The following MAST4 variants were observed in gnomAD, a reference collection of about 807,000 sequenced individuals.
MAST4 encodes the protein microtubule associated serine/threonine kinase family member 4.
A neutral mutation model predicts 162.7 loss-of-function variants in MAST4; 89 were observed. The observed-to-expected ratio is 0.55, with a 90% CI of 0.46 to 0.65. The LOEUF is 0.65. Ranked by LOEUF, MAST4 falls within the 30% of genes least tolerant of loss-of-function variation. MAST4 has a pLI of 0.00. For synonymous variants in MAST4, 1,479 were observed against 1,361.1 expected, an observed-to-expected ratio of 1.09 and a Z score of -1.91; for missense variants, 3,153 against 3,374.0, an observed-to-expected ratio of 0.93 and a Z score of 1.62.
At chr5:67,049,078 T>TATATACGTATATATATATATATATATAC (rs1381641749) in intron 4 of MAST4, among the ~76,000 whole-genome samples, 50 of 138,746 alleles carry the variant, frequency 3.6e-4, no homozygotes, top group African/African-American at 1.4e-3. Context: ...TATATATATA[T>TATATACGTATATATATATATATATATAC]ACACTACCAT....
chr5:67,091,807 AC>A lies in MAST4; in HGVS notation c.833+1583del, dbSNP rs201963588. Among the ~76,000 whole-genome samples the A allele has an allele frequency of 2.6e-5, 4 of 151,654 alleles. No individual in the cohort carries two copies. In the South Asian group the frequency reaches 8.4e-4, roughly 32 times the overall value. On this transcript the variant is annotated intron_variant, in intron 6 of 28. Coordinates refer to ENST00000403625, the MANE Select transcript of MAST4 (RefSeq NM_001164664.2). ...TTCCATGCTATTAAAAAAATACATA[AC>A]CCCCCCAGGCATGTTAATTTTTGAC...
intron 13 of MAST4, among the ~76,000 whole-genome samples, chr5:67,119,237 A>C (rs1767285312): frequency 1.3e-5 from 2 of 151,980 alleles, no homozygotes; most frequent in African/African-American, 4.8e-5. Context: ...ACCCAGTCAG[A>C]GTTATGGCTT....
chr5:66,930,040 A>G (rs1250320569), intron 4 of MAST4, among the ~76,000 whole-genome samples: 6 of 152,206 alleles, frequency 3.9e-5, no homozygotes, highest in Admixed American at 2.0e-4. Context: ...ATGATATAGT[A>G]TGTTCAGAAA....
chr5:66,961,760 G>T (rs1746047167), intron 4 of MAST4, among the ~76,000 whole-genome samples: 1 of 152,192 alleles, frequency 6.6e-6, no homozygotes, highest in Non-Finnish European at 1.5e-5. Flanking sequence ...TTTAGGACAG[G>T]AAGGAATAGA....
chr5:66,898,031 GTTA>G (rs1473827200), intron 3 of MAST4, among the ~76,000 whole-genome samples: 1 of 152,158 alleles, frequency 6.6e-6, no homozygotes, highest in Admixed American at 6.5e-5. Context: ...TTATTTTGTT[GTTA>G]TTAATGATAA....
intron 2 of MAST4, among the ~76,000 whole-genome samples, chr5:66,775,949 C>T (rs1464941694): frequency 6.6e-6 from 1 of 152,084 alleles, no homozygotes; most frequent in African/African-American, 2.4e-5. Flanking sequence ...AGGTAGCATA[C>T]ATAGATATTG....
intron 4 of MAST4, among the ~76,000 whole-genome samples, chr5:66,973,047 C>T (rs1348776628): frequency 6.6e-6 from 1 of 152,174 alleles, no homozygotes; most frequent in East Asian, 1.9e-4. Flanking sequence ...GCCACATTTG[C>T]TCTTTCTCCC....
intron 4 of MAST4, among the ~76,000 whole-genome samples, chr5:66,939,099 A>G (rs1300059627): frequency 1.3e-5 from 2 of 152,200 alleles, no homozygotes; most frequent in African/African-American, 2.4e-5. Flanking sequence ...TACATAATTA[A>G]TGTTAACTTA....
intron 1 of MAST4, among the ~76,000 whole-genome samples, chr5:66,741,214 G>A (rs993813580): frequency 6.6e-6 from 1 of 152,166 alleles, no homozygotes; most frequent in Admixed American, 6.5e-5. Flanking sequence ...CTTCAGAGCA[G>A]TCTTCTCTGG....
In MAST4 at chr5:67,145,153, A is replaced by G. The variant is rs755583713; in HGVS notation, c.2868A>G (p.Leu956=). 9.9e-6 allele frequency: 16 copies of G among 1,608,344 alleles called. No homozygotes were observed. The highest frequency in any genetic ancestry group is 5.9e-6 in the Non-Finnish European group (7 of 1,176,996). Residue 956 remains leucine, a synonymous_variant, in exon 23 of 29, where the codon CTA becomes CTG. Transcript: ENST00000403625. ...TTTGCTTTTAATTAAGGCAACAGCT[A>G]TCAACATCCAACTCTTCAGATACTG... is the stretch of plus-strand genomic sequence containing the variant. ...WSSEYSEMQQ[L]STSNSSDTES...
At position 67,166,698 on chromosome 5, in the gene MAST4, C is replaced by G; in HGVS notation, c.7519C>G (p.Pro2507Ala). The change falls in exon 29 of 29, where the codon CCT becomes GCT. Residue 2507 changes from proline (P) to alanine (A), a missense_variant. Pro to Ala is a conservative substitution (Grantham distance 27, BLOSUM62 -1). Transcript: ENST00000403625. The part of the protein sequence containing the change: ...PSNRDHRKAQ[P>A]AGEGRTHMTK... The stretch of plus-strand genomic sequence containing the variant: ...CAACAGGGACCATAGGAAGGCTCAG[C>G]CTGCCGGGGAGGGCCGAACCCACAT... 2 of 1,591,080 alleles carry G rather than the reference C, an allele frequency of 1.3e-6. No homozygotes were observed. Among genetic ancestry groups the G allele is most frequent in the South Asian group, 2.3e-5 (2 of 87,416 alleles).
intron 3 of MAST4, among the ~76,000 whole-genome samples, chr5:66,821,982 C>T (rs768315819): frequency 3.9e-5 from 6 of 152,188 alleles, no homozygotes; most frequent in Non-Finnish European, 5.9e-5. Context: ...ACCTTGAGGG[C>T]AGTGAGACCA....
At position 67,065,341 on chromosome 5, in the gene MAST4, C is replaced by T. The variant is rs139377991; in HGVS notation, c.763+10849C>T. 6.8e-3 allele frequency among the ~76,000 whole-genome samples: 1,032 copies of T among 152,240 alleles called. 5 individuals are homozygous for T. The highest frequency in any genetic ancestry group is 0.012 in the Non-Finnish European group (811 of 68,016). The stretch of plus-strand genomic sequence containing the variant: ...TTTCTGTGGCTTTGGCTTTTCTGCT[C>T]CTAGCTCACTCGTCAGCAGTTTACT... On this transcript the variant is annotated intron_variant, in intron 5 of 28. Transcript: ENST00000403625.
chr5:67,084,126 G>A (rs1762967905), intron 5 of MAST4, among the ~76,000 whole-genome samples: 1 of 152,188 alleles, frequency 6.6e-6, no homozygotes, highest in African/African-American at 2.4e-5. Context: ...ATCTGTGCAA[G>A]TCTTATGACA....
intron 15 of MAST4, among the ~76,000 whole-genome samples, chr5:67,131,549 T>C (rs1768967657): frequency 6.6e-6 from 1 of 152,206 alleles, no homozygotes; most frequent in Non-Finnish European, 1.5e-5. Flanking sequence ...CCTAAAATTA[T>C]GCTAGCCGTT....
At chr5:66,665,351 C>A (rs1012226277) in intron 1 of MAST4, among the ~76,000 whole-genome samples, 23 of 152,132 alleles carry the variant, frequency 1.5e-4, no homozygotes, top group African/African-American at 5.6e-4. Context: ...CTAACAATGG[C>A]TGGGATCCAG....
chr5:66,807,099 A>G (rs1756226017), intron 3 of MAST4, among the ~76,000 whole-genome samples: 1 of 152,256 alleles, frequency 6.6e-6, no homozygotes, highest in Admixed American at 6.5e-5. Flanking sequence ...GTTTTGATAC[A>G]GACATGCAAT....
intron 5 of MAST4, among the ~76,000 whole-genome samples, chr5:67,078,747 T>TA (rs1762029144): frequency 2.3e-5 from 3 of 130,362 alleles, no homozygotes; most frequent in African/African-American, 8.9e-5. Flanking sequence ...TAAATATATA[T>TA]TTATTTATAT....
At chr5:66,944,009 C>G (rs1412049010) in intron 4 of MAST4, among the ~76,000 whole-genome samples, 1 of 152,138 alleles carries the variant, frequency 6.6e-6, no homozygotes, top group Non-Finnish European at 1.5e-5. Flanking sequence ...AGGTAACCAT[C>G]TCCCCGTTCT....
Sources: gnomAD v4.1 joint callset for allele counts (sites outside exome capture counted in the v4.1 genomes callset) on GRCh38, gnomAD v4.1.1 for gene constraint, MANE v1.5 for transcripts, NCBI Gene and HGNC (gene_info 2026-07-23, HGNC 2026-07-21) for gene names.